The following SLC47A1 variants were observed in gnomAD, a reference collection of about 807,000 sequenced individuals.
SLC47A1 encodes multidrug and toxin extrusion protein 1.
In SLC47A1, 58 loss-of-function variants were observed where a neutral mutation model predicts 65.8. That is an observed-to-expected ratio of 0.88 (90% CI 0.71 to 1.10). The LOEUF (loss-of-function observed/expected upper bound fraction) is 1.10, where lower values mean the gene tolerates loss of function less well. Ranked by LOEUF, SLC47A1 falls within the 50% of genes least tolerant of loss-of-function variation. The pLI is 0.00. For missense variants in SLC47A1, 706 were observed against 719.2 expected, an observed-to-expected ratio of 0.98 and a Z score of 0.21; for synonymous variants, 285 against 295.0, an observed-to-expected ratio of 0.97 and a Z score of 0.35.
intron 6 of SLC47A1, among the ~76,000 whole-genome samples, chr17:19,551,865 A>T (rs1916459390): frequency 6.6e-6 from 1 of 152,208 alleles, no homozygotes; most frequent in African/African-American, 2.4e-5. Flanking sequence ...GAGGGAACCA[A>T]ACTGTCTGCT....
Position 19,577,658 on chromosome 17 carries a change from C to A in SLC47A1, c.*105C>A. 1 of 1,523,366 alleles carries A rather than the reference C, an allele frequency of 6.6e-7. No homozygotes were observed. Among genetic ancestry groups the A allele is most frequent in the South Asian group, 1.3e-5 (1 of 76,874 alleles). 94.4% of individuals were successfully genotyped at this position (1,523,366 alleles called of 1,614,324 possible). A position where few individuals can be genotyped will look rare whatever the true frequency, so the allele number is the denominator to read the frequency against. ...GTGAGTTAATGTCATTCAGGTGTGC[C>A]CATGGATTTTGAGGGCTGGAAATGC... is the stretch of plus-strand genomic sequence containing the variant. On this transcript the variant is annotated 3_prime_UTR_variant, in exon 17 of 17. Transcript: ENST00000270570.
Position 19,578,037 on chromosome 17 carries a change from C to A in SLC47A1, c.*484C>A. 1 of 1,147,810 alleles carries A rather than the reference C, an allele frequency of 8.7e-7. No individual in the cohort carries two copies. Among genetic ancestry groups the A allele is most frequent in the Non-Finnish European group, 1.2e-6 (1 of 861,028 alleles). The allele number at this position is 1,147,810 out of a possible 1,614,324, so 71.1% of individuals were successfully genotyped here. On this transcript the variant is annotated 3_prime_UTR_variant, in exon 17 of 17. Transcript: ENST00000270570. ...TTGCTCTGTCATGCAGGCTGGAGTG[C>A]GGTGGTGCGATCATAGCTCACTGCA...
chr17:19,534,828 G>A (rs911282233), intron 1 of SLC47A1: 7 of 152,154 alleles, frequency 4.6e-5, no homozygotes, highest in African/African-American at 1.4e-4. Context: ...AAATAATGTG[G>A]TTTTAAAAAC....
chr17:19,578,128 G>A lies in SLC47A1; in HGVS notation c.*575G>A, dbSNP rs1409316206. The A allele has an allele frequency of 2.1e-6, 1 of 484,778 alleles. No homozygotes were observed. The highest frequency in any genetic ancestry group is 3.8e-6 in the Non-Finnish European group (1 of 261,660). 30.0% of individuals were successfully genotyped at this position (484,778 alleles called of 1,614,324 possible). A position where few individuals can be genotyped will look rare whatever the true frequency, so the allele number is the denominator to read the frequency against. On this transcript the variant is annotated 3_prime_UTR_variant, in exon 17 of 17. Coordinates refer to ENST00000270570, the MANE Select transcript of SLC47A1 (RefSeq NM_018242.3). ...CCACCAGAGTAGCTGAGACTACAGG[G>A]GTATGCCACCATGCCCAGCTGGCAT...
At chr17:19,536,350 G>C (rs933096981) in intron 1 of SLC47A1, among the ~76,000 whole-genome samples, 1 of 151,984 alleles carries the variant, frequency 6.6e-6, no homozygotes, top group Non-Finnish European at 1.5e-5. Flanking sequence ...ACCTCTCCAG[G>C]TCTCCAGGGA....
chr17:19,565,923 A>G (rs2084354021), intron 12 of SLC47A1, among the ~76,000 whole-genome samples: 1 of 152,196 alleles, frequency 6.6e-6, no homozygotes, highest in African/African-American at 2.4e-5. Flanking sequence ...TAAACAATTC[A>G]TAAGTTTTCA....
rs1405987548 is a variant in SLC47A1, at chr17:19,556,053, T to C, written c.912T>C (p.Ile304=). 1 of 1,613,948 alleles carries C rather than the reference T, an allele frequency of 6.2e-7. No individual in the cohort carries two copies. The highest frequency in any genetic ancestry group is 1.1e-5 in the South Asian group (1 of 91,076). The change falls in exon 10 of 17, where the codon ATT becomes ATC. Residue 304 remains isoleucine (I), a synonymous_variant. Coordinates refer to ENST00000270570, the MANE Select transcript of SLC47A1 (RefSeq NM_018242.3). ...CCATCGTGTATGAACTGGCCATCAT[T>C]GTGTACATGGTAAGCAGGGGAGCCG... ...AQSIVYELAI[I]VYMVPAGFSV...
At chr17:19,540,849 GACACACACAC>G (rs144308134) in intron 1 of SLC47A1, among the ~76,000 whole-genome samples, 3 of 142,940 alleles carry the variant, frequency 2.1e-5, no homozygotes, top group South Asian at 4.5e-4. Context: ...TCCTACAACA[GACACACACAC>G]ACACACACAC....
chr17:19,541,776 C>G (rs1276544846), intron 1 of SLC47A1, among the ~76,000 whole-genome samples: 1 of 152,194 alleles, frequency 6.6e-6, no homozygotes, highest in Non-Finnish European at 1.5e-5. Flanking sequence ...AAGGCAGCCT[C>G]TGCACATTGC....
intron 2 of SLC47A1, among the ~76,000 whole-genome samples, chr17:19,544,460 AG>A (rs1916234179): frequency 6.6e-6 from 1 of 152,218 alleles, no homozygotes; most frequent in Non-Finnish European, 1.5e-5. Context: ...TGTTGTCCAC[AG>A]GTTCCCTGCT....
At position 19,567,151 on chromosome 17, in the gene SLC47A1, T is replaced by C; in HGVS notation, c.1232T>C (p.Val411Ala). 6.2e-7 allele frequency: 1 copy of C among 1,614,192 alleles called. No homozygotes were observed. The highest frequency in any genetic ancestry group is 8.5e-7 in the Non-Finnish European group (1 of 1,180,026). The part of the protein sequence containing the change: ...GSGNQKVGAI[V>A]NTIGYYVVGL... ...GGAAATCAGAAGGTTGGAGCCATTG[T>C]GAATACCATTGGGTACTATGTGGTT... The change falls in exon 14 of 17, where the codon GTG becomes GCG. Residue 411 changes from valine (V) to alanine (A), a missense_variant. By Grantham distance (64) the Val-to-Ala change is moderately conservative. Coordinates refer to ENST00000270570, the MANE Select transcript of SLC47A1 (RefSeq NM_018242.3).
chr17:19,544,744 C>T (rs912060320), intron 2 of SLC47A1, among the ~76,000 whole-genome samples: 6 of 152,176 alleles, frequency 3.9e-5, no homozygotes, highest in African/African-American at 7.2e-5. Flanking sequence ...ATTGCATTCC[C>T]GGAAGAAGTG....
intron 2 of SLC47A1, 80 bp downstream of exon 2, chr17:19,542,574 G>A (rs1164147563): frequency 4.2e-6 from 5 of 1,181,366 alleles, no homozygotes; most frequent in East Asian, 4.9e-5. Flanking sequence ...TCATCAAAAT[G>A]TAGTGGCTGA....
At position 19,577,322 on chromosome 17, in the gene SLC47A1, C is replaced by T. The variant is rs751932427; in HGVS notation, c.1487-5C>T. On this transcript the variant is annotated splice_polypyrimidine_tract_variant and splice_region_variant and intron_variant, in intron 16 of 16. Transcript: ENST00000270570. ...TTAAGCTGCTAAGTTCCTTTTTCCTCCCAGGGTGCCCTGAAAACCTTGAAG... is the reference window on the plus strand; with the variant it reads ...TTAAGCTGCTAAGTTCCTTTTTCCTTCCAGGGTGCCCTGAAAACCTTGAAG... 3 of 1,612,162 alleles carry T rather than the reference C, an allele frequency of 1.9e-6. No individual in the cohort carries two copies. The South Asian group carries it at 3.3e-5, about 18-fold the overall frequency.
intron 16 of SLC47A1, among the ~76,000 whole-genome samples, chr17:19,577,112 G>C (rs1420189936): frequency 5.9e-5 from 9 of 152,118 alleles, no homozygotes; most frequent in Non-Finnish European, 1.3e-4. Context: ...GCTCCCTGGA[G>C]CACCCAAGCC....
At chr17:19,551,899 T>C (rs1253970781) in intron 6 of SLC47A1, among the ~76,000 whole-genome samples, 1 of 152,246 alleles carries the variant, frequency 6.6e-6, no homozygotes, top group African/African-American at 2.4e-5. Flanking sequence ...ATGGCCCCAC[T>C]TTTCTCATTG....
intron 1 of SLC47A1, among the ~76,000 whole-genome samples, chr17:19,539,229 C>T (rs1385484034): frequency 6.6e-6 from 1 of 152,060 alleles, no homozygotes; most frequent in Non-Finnish European, 1.5e-5. Flanking sequence ...CAATTTCTGT[C>T]ATCCATTCAG....
At chr17:19,551,279 G>A (rs1916439328) in intron 5 of SLC47A1, 145 bp from the exon 6 acceptor site, 3 of 770,540 alleles carry the variant, frequency 3.9e-6, no homozygotes, top group Middle Eastern at 2.3e-4. Flanking sequence ...CCCCAGCCCT[G>A]TCCTGAGACG....
intron 2 of SLC47A1, among the ~76,000 whole-genome samples, chr17:19,543,700 G>A (rs1471630730): frequency 6.6e-6 from 1 of 152,180 alleles, no homozygotes; most frequent in Non-Finnish European, 1.5e-5. Flanking sequence ...TCTCAGCCAG[G>A]AATTGTCAGC....
Sources: gnomAD v4.1 joint callset for allele counts (sites outside exome capture counted in the v4.1 genomes callset) on GRCh38, gnomAD v4.1.1 for gene constraint, MANE v1.5 for transcripts, NCBI Gene and HGNC (gene_info 2026-07-23, HGNC 2026-07-21) for gene names.